Variants in LRRC4B observed in about 807,000 individuals in gnomAD.
The protein encoded by LRRC4B is leucine rich repeat containing 4B, also known as leucine-rich repeat-containing protein 4B.
Under a neutral mutation model 7.3 loss-of-function variants are expected in LRRC4B, and 1 was observed. The observed-to-expected ratio is 0.14, with a 90% CI of 0.05 to 0.65. LRRC4B has a LOEUF of 0.65. Among genes scored for constraint, LRRC4B ranks in the 30% least tolerant of loss-of-function variants. LRRC4B has a pLI of 0.84. For synonymous variants in LRRC4B, 500 were observed against 499.2 expected, an observed-to-expected ratio of 1.00 and a Z score of -0.02; for missense variants, 730 against 1,041.6, an observed-to-expected ratio of 0.70 and a Z score of 4.12.
intron 1 of LRRC4B, among the ~76,000 whole-genome samples, chr19:50,565,517 G>A (rs1982598453): frequency 7.5e-6 from 1 of 133,610 alleles, no homozygotes; most frequent in Admixed American, 8.2e-5. Context: ...GTGAATGACT[G>A]TGTGCTCTCG....
At chr19:50,542,856 ACT>A (rs1235152128) in intron 2 of LRRC4B, among the ~76,000 whole-genome samples, 7 of 151,784 alleles carry the variant, frequency 4.6e-5, no homozygotes, top group Non-Finnish European at 5.9e-5. Context: ...GAACATTTTA[ACT>A]CTCTCACCAA....
chr19:50,545,119 A>T (rs1334813076), intron 2 of LRRC4B, among the ~76,000 whole-genome samples: 7 of 151,140 alleles, frequency 4.6e-5, no homozygotes, highest in African/African-American at 1.7e-4. Flanking sequence ...TCTCAAAAAA[A>T]AAAAAAGGTC....
Position 50,519,219 on chromosome 19 carries a change from A to T in LRRC4B, c.494T>A (p.Leu165Gln). ...GATGCTCTCGATGGGGTTGTTCCGC[A>T]GCCAGAGCTCCCGCAGCTTGGACAG... ...EYLSKLRELW[L>Q]RNNPIESIPS... The change falls in exon 3 of 3, where the codon CTG becomes CAG. Residue 165 changes from leucine to glutamine, a missense_variant. By Grantham distance (113) the Leu-to-Gln change is moderately radical (BLOSUM62 -2). Coordinates refer to ENST00000652263, the MANE Select transcript of LRRC4B (RefSeq NM_001080457.2). The surrounding 1 kb of genome is among the most constrained non-coding windows in gnomAD (Gnocchi z 8.1). 6.2e-7 allele frequency: 1 copy of T among 1,614,104 alleles called. No homozygotes were observed. Among genetic ancestry groups the T allele is most frequent in the Non-Finnish European group, 8.5e-7 (1 of 1,180,024 alleles).
chr19:50,529,077 C>G (rs539873753), intron 2 of LRRC4B, among the ~76,000 whole-genome samples: 1 of 152,154 alleles, frequency 6.6e-6, no homozygotes, highest in South Asian at 2.1e-4. Context: ...CCCCCCAGAG[C>G]TTGCATTTCT....
chr19:50,560,986 G>C (rs1982443614), intron 1 of LRRC4B, among the ~76,000 whole-genome samples: 1 of 152,160 alleles, frequency 6.6e-6, no homozygotes, highest in Non-Finnish European at 1.5e-5. Context: ...AGCTACTCAA[G>C]AGGTTGAGAC....
chr19:50,539,732 C>T (rs1981459142), intron 2 of LRRC4B, among the ~76,000 whole-genome samples: 1 of 151,600 alleles, frequency 6.6e-6, no homozygotes, highest in Non-Finnish European at 1.5e-5. Flanking sequence ...ACCAAAAATA[C>T]AAAAATCAGC....
intron 2 of LRRC4B, among the ~76,000 whole-genome samples, chr19:50,524,407 G>A (rs1980713245): frequency 6.6e-6 from 1 of 152,054 alleles, no homozygotes; most frequent in Admixed American, 6.6e-5. Context: ...CAGCACACCT[G>A]GCTAATTTTA....
At chr19:50,535,534 T>C (rs1981244601) in intron 2 of LRRC4B, among the ~76,000 whole-genome samples, 1 of 152,182 alleles carries the variant, frequency 6.6e-6, no homozygotes, top group Non-Finnish European at 1.5e-5. Context: ...CTGTTGTTTG[T>C]GTGTGTGTGT....
At chr19:50,532,344 G>A (rs578187474) in intron 2 of LRRC4B, among the ~76,000 whole-genome samples, 16 of 152,318 alleles carry the variant, frequency 1.1e-4, no homozygotes, top group East Asian at 5.8e-4. Flanking sequence ...CAGAATGACC[G>A]GAAATGCAGT....
Position 50,518,453 on chromosome 19 carries a change from C to A in LRRC4B, c.1260G>T (p.Thr420=). 8 of 1,551,476 alleles carry A rather than the reference C, an allele frequency of 5.2e-6. No homozygotes were observed. The highest frequency in any genetic ancestry group is 6.1e-6 in the Non-Finnish European group (7 of 1,149,382). ...RVRISVLHDG[T]LNFTNVTVQD... ...GCACGGTGACGTTGGTGAAGTTAAG[C>A]GTGCCGTCATGCAGGACGGAGATGC... is the stretch of plus-strand genomic sequence containing the variant. The change falls in exon 3 of 3, where the codon ACG becomes ACT. Residue 420 remains threonine, a synonymous_variant. Coordinates refer to ENST00000652263, the MANE Select transcript of LRRC4B (RefSeq NM_001080457.2).
rs931679409 is a variant in LRRC4B at position 50,553,105 on chromosome 19, G to A, written c.-35-4232C>T. 2.0e-5 allele frequency among the ~76,000 whole-genome samples: 3 copies of A among 152,100 alleles called. No individual in the cohort carries two copies. Among genetic ancestry groups the A allele is most frequent in the Non-Finnish European group, 4.4e-5 (3 of 68,026 alleles). On this transcript the variant is annotated intron_variant, in intron 1 of 2. Coordinates refer to ENST00000652263, the MANE Select transcript of LRRC4B (RefSeq NM_001080457.2). The surrounding 1 kb of genome is among the most constrained non-coding windows in gnomAD (Gnocchi z 4.2). ...AGAGTTCTGTCTTCACAACATATGC[G>A]GAATCAGACCCCAGAATCAGAGGAT...
intron 2 of LRRC4B, among the ~76,000 whole-genome samples, chr19:50,525,844 C>T (rs562043913): frequency 6.6e-6 from 1 of 152,132 alleles, no homozygotes; most frequent in Non-Finnish European, 1.5e-5. Context: ...CACCTCAGCC[C>T]TCTGCCTCTC....
chr19:50,521,305 T>G (rs977575804), intron 2 of LRRC4B, among the ~76,000 whole-genome samples: 4 of 152,060 alleles, frequency 2.6e-5, no homozygotes, highest in Non-Finnish European at 4.4e-5. Context: ...ATGAGAGAGC[T>G]TTCTGGGGTG....
intron 1 of LRRC4B, among the ~76,000 whole-genome samples, chr19:50,560,935 C>CA (rs1179807832): frequency 6.6e-6 from 1 of 152,004 alleles, no homozygotes. Flanking sequence ...ACTAAAAATA[C>CA]AAAAAATTAG....
intron 2 of LRRC4B, among the ~76,000 whole-genome samples, chr19:50,523,998 C>A (rs901656828): frequency 1.3e-5 from 2 of 150,950 alleles, no homozygotes; most frequent in Non-Finnish European, 2.9e-5. Context: ...CCAAGCTTTT[C>A]TTAGTAGTGA....
rs558077688 is a variant in LRRC4B, at chr19:50,548,151, C to T, written c.297+391G>A. 4.6e-5 allele frequency among the ~76,000 whole-genome samples: 7 copies of T among 152,306 alleles called. No individual in the cohort carries two copies. The highest frequency in any genetic ancestry group is 9.6e-5 in the African/African-American group (4 of 41,572). ...AAGAAACTGAGGCTCAGAATCATGC[C>T]GTCACCTTCCCAAGGCCACGAGAGG... On this transcript the variant is annotated intron_variant, in intron 2 of 2. Coordinates refer to ENST00000652263, the MANE Select transcript of LRRC4B (RefSeq NM_001080457.2). The surrounding 1 kb of genome is among the most constrained non-coding windows in gnomAD (Gnocchi z 6.8).
At chr19:50,535,210 T>C (rs967857046) in intron 2 of LRRC4B, among the ~76,000 whole-genome samples, 1 of 149,404 alleles carries the variant, frequency 6.7e-6, no homozygotes, top group Non-Finnish European at 1.5e-5. Context: ...TCTTGCTCTA[T>C]TGCTCAGGCT....
intron 1 of LRRC4B, among the ~76,000 whole-genome samples, chr19:50,551,617 C>T (rs1469008215): frequency 2.1e-5 from 3 of 144,568 alleles, no homozygotes; most frequent in East Asian, 4.2e-4. Context: ...TGAGTCTCCC[C>T]CCTCACAATC....
At chr19:50,526,510 G>A (rs1474652718) in intron 2 of LRRC4B, among the ~76,000 whole-genome samples, 1 of 152,102 alleles carries the variant, frequency 6.6e-6, no homozygotes, top group Admixed American at 6.5e-5. Context: ...ACCACAGGGC[G>A]TCTTGCGCAA....
Sources: allele counts gnomAD v4.1 joint callset (sites outside exome capture counted in the v4.1 genomes callset), GRCh38; gene constraint gnomAD v4.1.1; non-coding constraint Gnocchi (gnomAD v3.1); transcripts MANE v1.5; gene names NCBI Gene and HGNC (gene_info 2026-07-23, HGNC 2026-07-21).